Variants in PLEKHG4B observed in about 807,000 individuals in gnomAD.
PLEKHG4B encodes the protein pleckstrin homology and RhoGEF domain containing G4B.
PLEKHG4B carries 111 observed loss-of-function variants against 121.3 expected under a neutral mutation model. The ratio of observed to expected loss-of-function variants is 0.92; its 90% CI spans 0.78 to 1.07. The LOEUF (loss-of-function observed/expected upper bound fraction) is 1.07, where lower values mean the gene tolerates loss of function less well. Among genes scored for constraint, PLEKHG4B ranks in the 50% least tolerant of loss-of-function variants. The pLI is 0.00. For missense variants in PLEKHG4B, 1,831 were observed against 1,757.8 expected (o/e 1.04, Z -0.74); for synonymous variants, 738 against 725.0 (o/e 1.02, Z -0.29).
At chr5:143,585 G>T (rs1735306315) in intron 5 of PLEKHG4B, 82 bp downstream of exon 5, 3 of 1,543,092 alleles carry the variant, frequency 1.9e-6, no homozygotes, top group Non-Finnish European at 1.8e-6. Flanking sequence ...GGCACGGGGA[G>T]GTGCCAGCTT....
In PLEKHG4B at chr5:169,578, A is replaced by G. The variant is rs749540880; in HGVS notation, c.3715A>G (p.Ser1239Gly). The G allele has an allele frequency of 6.2e-7, 1 of 1,613,326 alleles. No individual in the cohort carries two copies. The highest frequency in any genetic ancestry group is 1.1e-5 in the South Asian group (1 of 91,080). The change falls in exon 14 of 20, where the codon AGT (serine) becomes GGT (glycine). Residue 1239 changes from serine to glycine, a missense_variant. Transcript: ENST00000637938. Reference sequence around the variant, plus strand: ...GCACTGCCCCTTGGCCGTGGGCCGCAGTTTCCTGAGACACGTAAGTGCAGG... The same window carrying G: ...GCACTGCCCCTTGGCCGTGGGCCGCGGTTTCCTGAGACACGTAAGTGCAGG... ...CQHCPLAVGR[S>G]FLRHEEQFGM...
At chr5:118,277 A>G (rs1734361123) in intron 2 of PLEKHG4B, among the ~76,000 whole-genome samples, 2 of 152,226 alleles carry the variant, frequency 1.3e-5, no homozygotes, top group African/African-American at 4.8e-5. Flanking sequence ...ATCCAGAATT[A>G]CCGTAGGAGA....
At chr5:98,872 G>A (rs1264380835) in intron 1 of PLEKHG4B, among the ~76,000 whole-genome samples, 3 of 84,000 alleles carry the variant, frequency 3.6e-5, no homozygotes, top group Non-Finnish European at 6.7e-5. Flanking sequence ...AAAATTTTTT[G>A]GGGACCGGGT....
Position 140,570 on chromosome 5 carries a change from C to A in PLEKHG4B, c.1331C>A (p.Pro444His). ...PRRSRSWERA[P>H]RSSRGAQAAA... ...AGATCTCGGTCCTGGGAAAGGGCAC[C>A]CAGAAGCTCCAGAGGGGCCCAGGCT... The change falls in exon 3 of 20, where the codon CCC (proline) becomes CAC (histidine). Residue 444 changes from proline (P) to histidine (H), a missense_variant. By Grantham distance (77) the Pro-to-His change is moderately conservative (BLOSUM62 -2). Transcript: ENST00000637938. The A allele has an allele frequency of 6.2e-7, 1 of 1,608,260 alleles. No individual in the cohort carries two copies. The highest frequency in any genetic ancestry group is 8.5e-7 in the Non-Finnish European group (1 of 1,177,966).
At chr5:118,060 G>C (rs1734355143) in intron 2 of PLEKHG4B, among the ~76,000 whole-genome samples, 1 of 152,084 alleles carries the variant, frequency 6.6e-6, no homozygotes, top group Non-Finnish European at 1.5e-5. Context: ...AAAAATAATA[G>C]ACCAGCAACA....
rs1412056507 is a variant in PLEKHG4B, at chr5:185,651, C to T, written c.*3328C>T. The stretch of plus-strand genomic sequence containing the variant: ...GCATCTACGCCTGTGGAAGAGGAGG[C>T]TGCTGGGGGCCCAGGTGTGCAGGGG... On this transcript the variant is annotated 3_prime_UTR_variant, in exon 20 of 20. Transcript: ENST00000637938. 6.6e-6 allele frequency: 1 copy of T among 152,576 alleles called. No individual in the cohort carries two copies. Among genetic ancestry groups the T allele is most frequent in the East Asian group, 1.9e-4 (1 of 5,192 alleles). The allele number at this position is 152,576 out of a possible 1,614,324, so 9.5% of individuals were successfully genotyped here. A position where few individuals can be genotyped will look rare whatever the true frequency, so the allele number is the denominator to read the frequency against.
chr5:167,997 C>G (rs1332564503), intron 13 of PLEKHG4B, among the ~76,000 whole-genome samples: 1 of 152,214 alleles, frequency 6.6e-6, no homozygotes, highest in African/African-American at 2.4e-5. Flanking sequence ...ACCGTCTGGC[C>G]AAGCTGACCA....
chr5:125,870 ATATGAGTCCTTGT>A (rs768525571), intron 2 of PLEKHG4B, among the ~76,000 whole-genome samples: 3 of 152,206 alleles, frequency 2.0e-5, no homozygotes, highest in Non-Finnish European at 4.4e-5. Flanking sequence ...GTTTTGCTAG[ATATGAGTCCTTGT>A]CAACAGGATT....
chr5:131,476 G>C (rs1364614433), intron 2 of PLEKHG4B, among the ~76,000 whole-genome samples: 4 of 152,094 alleles, frequency 2.6e-5, no homozygotes, highest in Non-Finnish European at 4.4e-5. Flanking sequence ...GTATTCCATG[G>C]TGTATATGTG....
At chr5:163,676 C>T in intron 13 of PLEKHG4B, 128 bp downstream of exon 13, 2 of 797,002 alleles carry the variant, frequency 2.5e-6, no homozygotes, top group Non-Finnish European at 3.8e-6. Context: ...CTGGGTCCAC[C>T]TGTCCGGTCT....
intron 13 of PLEKHG4B, among the ~76,000 whole-genome samples, chr5:168,339 G>T (rs1736419771): frequency 6.6e-6 from 1 of 152,144 alleles, no homozygotes; most frequent in South Asian, 2.1e-4. Flanking sequence ...GTCCACCTCT[G>T]GGCCGTCCTG....
chr5:150,226 C>T (rs1235198745), intron 6 of PLEKHG4B, among the ~76,000 whole-genome samples: 3 of 152,194 alleles, frequency 2.0e-5, no homozygotes, highest in African/African-American at 4.8e-5. Context: ...ATGTATGAAT[C>T]TTGAGAACAT....
chr5:163,152 G>C lies in PLEKHG4B; in HGVS notation c.3080G>C (p.Arg1027Pro). 13 of 1,558,210 alleles carry C rather than the reference G, an allele frequency of 8.3e-6. No homozygotes were observed. Among genetic ancestry groups the C allele is most frequent in the Non-Finnish European group, 1.1e-5 (13 of 1,152,882 alleles). The part of the protein sequence containing the change: ...LLCGQDGETL[R>P]PGLCALWDPL... ...TGTGGACAGGACGGGGAGACCCTGC[G>C]CCCAGGGCTGTGTGCTCTGTGGGAC... is the stretch of plus-strand genomic sequence containing the variant. Residue 1027 changes from arginine (R) to proline (P), a missense_variant, in exon 13 of 20, where the codon CGC (arginine) becomes CCC (proline). Arg to Pro is a moderately radical substitution (Grantham distance 103). Coordinates refer to ENST00000637938, the MANE Select transcript of PLEKHG4B (RefSeq NM_052909.5).
chr5:115,843 T>C (rs946761099), intron 2 of PLEKHG4B, among the ~76,000 whole-genome samples: 3 of 152,212 alleles, frequency 2.0e-5, no homozygotes, highest in African/African-American at 7.2e-5. Context: ...CTTAAGGGAA[T>C]GTTGTATCTA....
intron 1 of PLEKHG4B, among the ~76,000 whole-genome samples, chr5:109,675 A>G (rs956090310): frequency 6.6e-6 from 1 of 152,224 alleles, no homozygotes; most frequent in Non-Finnish European, 1.5e-5. Flanking sequence ...TCGTTTCAAT[A>G]AAATTTTAAA....
intron 2 of PLEKHG4B, among the ~76,000 whole-genome samples, chr5:138,237 T>C (rs939303895): frequency 6.6e-6 from 1 of 152,258 alleles, no homozygotes; most frequent in African/African-American, 2.4e-5. Flanking sequence ...TTCAGGTTAT[T>C]TTCTGAAATG....
At chr5:142,160 C>T (rs1194682173) in intron 3 of PLEKHG4B, among the ~76,000 whole-genome samples, 1 of 152,196 alleles carries the variant, frequency 6.6e-6, no homozygotes, top group Non-Finnish European at 1.5e-5. Flanking sequence ...AGTATTCTGT[C>T]GCCTCACTGC....
At chr5:163,793 C>G (rs1736137307) in intron 13 of PLEKHG4B, among the ~76,000 whole-genome samples, 1 of 152,248 alleles carries the variant, frequency 6.6e-6, no homozygotes, top group Non-Finnish European at 1.5e-5. Context: ...CACACTCACT[C>G]TGACGGTTAA....
intron 2 of PLEKHG4B, among the ~76,000 whole-genome samples, chr5:135,678 AAAAAATATATATATATATATATATATAT>A (rs1176686300): frequency 5.8e-5 from 3 of 51,702 alleles, no homozygotes; most frequent in Non-Finnish European, 1.1e-4. Flanking sequence ...AAAAAAAAAA[AAAAAATATATATATATATATATATATAT>A]ATATATATAT....
Sources: gnomAD v4.1 joint callset for allele counts (sites outside exome capture counted in the v4.1 genomes callset) on GRCh38, gnomAD v4.1.1 for gene constraint, MANE v1.5 for transcripts, NCBI Gene and HGNC (gene_info 2026-07-23, HGNC 2026-07-21) for gene names.